CAST: variants seen among roughly 807,000 people sequenced by gnomAD.
CAST encodes calpastatin.
CAST carries 76 observed loss-of-function variants against 119.6 expected under a neutral mutation model. The ratio of observed to expected loss-of-function variants is 0.64; its 90% CI spans 0.53 to 0.77. CAST has a LOEUF of 0.77. Among genes scored for constraint, CAST ranks in the 30% least tolerant of loss-of-function variants. The probability of loss-of-function intolerance (pLI) is 0.00; values close to 1 mark genes in which losing one functional copy is unlikely to be tolerated. For missense variants in CAST, 953 were observed against 946.5 expected (o/e 1.01, Z -0.09); for synonymous variants, 319 against 331.6 (o/e 0.96, Z 0.41).
intron 1 of CAST, among the ~76,000 whole-genome samples, chr5:96,563,292 G>T (rs155218): frequency 0.3 from 44,984 of 151,992 alleles, 7,538 homozygotes; most frequent in Middle Eastern, 0.43. Flanking sequence ...TTAAATACAT[G>T]TGTATTATTT....
chr5:96,012,278 C>T, the CAST span, among the ~76,000 whole-genome samples: 2 of 151,998 alleles, frequency 1.3e-5, no homozygotes, highest in Non-Finnish European at 2.9e-5. Flanking sequence ...CAGTCTTTTA[C>T]ATCATGCATT....
At chr5:96,035,180 T>A in the CAST span, among the ~76,000 whole-genome samples, 1 of 134,466 alleles carries the variant, frequency 7.4e-6, no homozygotes, top group South Asian at 2.3e-4. Flanking sequence ...TTTTGAAGTA[T>A]ATATATAAAA....
the CAST span, among the ~76,000 whole-genome samples, chr5:96,062,838 G>A: frequency 1.3e-5 from 2 of 152,252 alleles, no homozygotes; most frequent in South Asian, 4.2e-4. Flanking sequence ...ATGTCCCGCA[G>A]TGATGAGGTC....
chr5:96,601,091 T>G (rs1747143934), intron 1 of CAST, among the ~76,000 whole-genome samples: 1 of 152,162 alleles, frequency 6.6e-6, no homozygotes, highest in African/African-American at 2.4e-5. Context: ...TGTGAATGTC[T>G]CTCTCCCTCT....
At chr5:96,265,729 A>G in the CAST span, among the ~76,000 whole-genome samples, 1 of 152,224 alleles carries the variant, frequency 6.6e-6, no homozygotes, top group East Asian at 1.9e-4. Context: ...TCAAGTTGAC[A>G]CATAAAATTA....
At chr5:95,985,871 G>C in the CAST span, among the ~76,000 whole-genome samples, 3 of 152,124 alleles carry the variant, frequency 2.0e-5, no homozygotes, top group African/African-American at 7.2e-5. Flanking sequence ...TTCAAATCTG[G>C]AGATATTTGA....
At chr5:96,656,906 CTT>C (rs1380610118) in intron 1 of CAST, among the ~76,000 whole-genome samples, 2 of 151,404 alleles carry the variant, frequency 1.3e-5, no homozygotes, top group Non-Finnish European at 2.9e-5. Flanking sequence ...CCCCAAATGA[CTT>C]TGAGTATTAA....
At chr5:96,257,054 G>T in the CAST span, among the ~76,000 whole-genome samples, 19 of 152,230 alleles carry the variant, frequency 1.2e-4, no homozygotes, top group Non-Finnish European at 2.9e-5. Context: ...GCAGGAAGGA[G>T]ATAACGCAGC....
At chr5:96,353,547 T>C in the CAST span, among the ~76,000 whole-genome samples, 1 of 152,122 alleles carries the variant, frequency 6.6e-6, no homozygotes, top group East Asian at 1.9e-4. Context: ...GTAAAGAGAA[T>C]CCACCTTCAC....
chr5:96,205,674 T>A, the CAST span, among the ~76,000 whole-genome samples: 1 of 152,152 alleles, frequency 6.6e-6, no homozygotes, highest in Non-Finnish European at 1.5e-5. Context: ...TGTGTAGTAT[T>A]CTATGGTATA....
At chr5:96,337,042 C>A in the CAST span, among the ~76,000 whole-genome samples, 2 of 151,952 alleles carry the variant, frequency 1.3e-5, no homozygotes, top group Non-Finnish European at 2.9e-5. Context: ...TTAGATGAAA[C>A]ATATTTGAAA....
the CAST span, chr5:95,964,981 A>T: frequency 1.3e-5 from 2 of 151,498 alleles, no homozygotes; most frequent in Admixed American, 1.3e-4. Flanking sequence ...TGGCATTCAA[A>T]TGCTGGGCCA....
intron 7 of CAST, 105 bp downstream of exon 7, chr5:96,729,314 AT>A (rs2150440003): frequency 1.5e-6 from 1 of 684,888 alleles, no homozygotes; most frequent in African/African-American, 1.8e-5. Flanking sequence ...GGATAGTTGG[AT>A]ATTAGTTTTT....
intron 1 of CAST, among the ~76,000 whole-genome samples, chr5:96,550,349 A>G (rs933023767): frequency 1.4e-4 from 21 of 152,322 alleles, no homozygotes; most frequent in Middle Eastern, 3.4e-3. Flanking sequence ...AAACTAACAA[A>G]CAGAAAGGAA....
At chr5:96,478,543 C>A in the CAST span, among the ~76,000 whole-genome samples, 1 of 152,196 alleles carries the variant, frequency 6.6e-6, no homozygotes. Flanking sequence ...TAAGGTAAAG[C>A]CTTACACCCT....
intron 1 of CAST, among the ~76,000 whole-genome samples, chr5:96,569,068 G>A (rs1746527327): frequency 1.3e-5 from 2 of 152,200 alleles, no homozygotes; most frequent in South Asian, 4.1e-4. Flanking sequence ...CTGTTGCTGT[G>A]ACACATTTTA....
the CAST span, among the ~76,000 whole-genome samples, chr5:96,019,141 A>G: frequency 3.9e-5 from 6 of 152,310 alleles, no homozygotes. Context: ...CTCATAATGT[A>G]AACGTGGAAA....
the CAST span, chr5:96,318,855 C>A: frequency 6.6e-6 from 1 of 152,120 alleles, no homozygotes; most frequent in Non-Finnish European, 1.5e-5. Flanking sequence ...GTAGTTAATG[C>A]TACAGTGTTT....
the CAST span, among the ~76,000 whole-genome samples, chr5:96,159,480 GA>G: frequency 6.6e-6 from 1 of 152,198 alleles, no homozygotes; most frequent in African/African-American, 2.4e-5. Context: ...GATGTACAAA[GA>G]AAAAGCTAGT....
Sources: allele counts gnomAD v4.1 joint callset (sites outside exome capture counted in the v4.1 genomes callset), GRCh38; gene constraint gnomAD v4.1.1; transcripts MANE v1.5; gene names NCBI Gene and HGNC (gene_info 2026-07-23, HGNC 2026-07-21).